ADGRL3: variants seen among roughly 807,000 people sequenced by gnomAD.
ADGRL3 encodes the protein adhesion G protein-coupled receptor L3.
In ADGRL3, 62 loss-of-function variants were observed where a neutral mutation model predicts 153.5. The observed-to-expected ratio is 0.40, with a 90% CI of 0.33 to 0.50. The LOEUF is 0.50. ADGRL3 is among the 20% of genes least tolerant of loss of function. The pLI, the probability that ADGRL3 is intolerant of heterozygous loss-of-function variation, is 0.47. For missense variants in ADGRL3, 1,641 were observed against 1,859.4 expected, an observed-to-expected ratio of 0.88 and a Z score of 2.16; for synonymous variants, 710 against 672.5, an observed-to-expected ratio of 1.06 and a Z score of -0.86.
chr4:61,850,929 A>G lies in ADGRL3; in HGVS notation c.1480+37040A>G, dbSNP rs543696663. Among the ~76,000 whole-genome samples the G allele has an allele frequency of 4.6e-5, 7 of 152,286 alleles. No homozygotes were observed. In the East Asian group the frequency reaches 1.4e-3, roughly 29 times the overall value. ...TACTGCTGTTGAAAATTCAGTTCCC[A>G]AATGCAATCATCTTCCCCAATGGCA... On this transcript the variant is annotated intron_variant, in intron 9 of 26. Transcript: ENST00000683033.
chr4:62,037,244 C>T, intron 23 of ADGRL3, among the ~76,000 whole-genome samples: 1 of 152,048 alleles, frequency 6.6e-6, no homozygotes, highest in East Asian at 1.9e-4. Flanking sequence ...TGCTTCCTCA[C>T]TTTCTCTGAT....
rs528319767 is a variant in ADGRL3 at position 61,498,505 on chromosome 4, G to A, written c.55+1157G>A. 1.2e-4 allele frequency among the ~76,000 whole-genome samples: 18 copies of A among 152,018 alleles called. No individual in the cohort carries two copies. The East Asian group carries it at 2.3e-3, about 20-fold the overall frequency. ...GCAAAGCTTACAGTGACCCAAGATC[G>A]TGCCACTGCATTCCAGCCTGGGTGA... is the stretch of plus-strand genomic sequence containing the variant. On this transcript the variant is annotated intron_variant, in intron 3 of 26. Coordinates refer to ENST00000683033, the MANE Select transcript of ADGRL3 (RefSeq NM_001387552.1).
chr4:61,556,200 C>A (rs572212256), intron 4 of ADGRL3, among the ~76,000 whole-genome samples: 4 of 151,978 alleles, frequency 2.6e-5, no homozygotes, highest in Non-Finnish European at 5.9e-5. Context: ...TGGAGAAAAA[C>A]AAGGTGGGGA....
At chr4:61,922,978 AG>A (rs1287928010) in intron 13 of ADGRL3, among the ~76,000 whole-genome samples, 1 of 152,224 alleles carries the variant, frequency 6.6e-6, no homozygotes, top group Non-Finnish European at 1.5e-5. Context: ...CGTGCGGATC[AG>A]GGAAGACTTT....
At chr4:61,599,598 G>A (rs1477161974) in intron 5 of ADGRL3, among the ~76,000 whole-genome samples, 1 of 152,160 alleles carries the variant, frequency 6.6e-6, no homozygotes, top group East Asian at 1.9e-4. Context: ...CTCCCAAAGT[G>A]CTGAGATTAC....
intron 8 of ADGRL3, among the ~76,000 whole-genome samples, chr4:61,803,817 C>T (rs1033684651): frequency 6.6e-6 from 1 of 152,118 alleles, no homozygotes; most frequent in Non-Finnish European, 1.5e-5. Flanking sequence ...AATATTTTCA[C>T]TTCTATGACA....
rs555444913 is a variant in ADGRL3 at position 61,767,697 on chromosome 4, G to T, written c.1399+34143G>T. Reference sequence around the variant, plus strand: ...ACACAGATGGGACGTGGCTTAGGAGGAATCCTGGGCTGCGGGTGTTCCTTG... The same window carrying T: ...ACACAGATGGGACGTGGCTTAGGAGTAATCCTGGGCTGCGGGTGTTCCTTG... On this transcript the variant is annotated intron_variant, in intron 8 of 26. Coordinates refer to ENST00000683033, the MANE Select transcript of ADGRL3 (RefSeq NM_001387552.1). 3.9e-5 allele frequency among the ~76,000 whole-genome samples: 6 copies of T among 152,248 alleles called. No individual in the cohort carries two copies. The East Asian group carries it at 9.7e-4, about 25-fold the overall frequency.
chr4:61,681,417 ATTAC>A (rs2095332664), intron 6 of ADGRL3, among the ~76,000 whole-genome samples: 1 of 152,018 alleles, frequency 6.6e-6, no homozygotes, highest in Non-Finnish European at 1.5e-5. Context: ...TAAAGCATAT[ATTAC>A]TTATTCTAGC....
intron 2 of ADGRL3, among the ~76,000 whole-genome samples, chr4:61,407,372 T>G (rs2097016295): frequency 6.6e-6 from 1 of 152,082 alleles, no homozygotes; most frequent in Non-Finnish European, 1.5e-5. Context: ...AATGAAAAAA[T>G]AGTCTCTGCC....
chr4:61,631,693 A>G (rs549260651), intron 5 of ADGRL3, among the ~76,000 whole-genome samples: 5 of 152,242 alleles, frequency 3.3e-5, no homozygotes, highest in Admixed American at 3.3e-4. Flanking sequence ...TACACAGATG[A>G]AGAAGAAAAT....
intron 6 of ADGRL3, among the ~76,000 whole-genome samples, chr4:61,696,657 C>CT (rs1004870625): frequency 2.4e-4 from 32 of 134,668 alleles, no homozygotes; most frequent in African/African-American, 7.4e-4. Flanking sequence ...CCCTAAGTTC[C>CT]TTTTTTTTTA....
chr4:61,431,598 C>T (rs2097356467), intron 2 of ADGRL3, among the ~76,000 whole-genome samples: 1 of 152,044 alleles, frequency 6.6e-6, no homozygotes. Context: ...AACTAAGTAT[C>T]AACAAAATGA....
intron 1 of ADGRL3, among the ~76,000 whole-genome samples, chr4:61,205,179 A>G (rs1736540115): frequency 1.3e-5 from 2 of 152,210 alleles, no homozygotes; most frequent in Non-Finnish European, 2.9e-5. Flanking sequence ...GTCAAATAAT[A>G]TGATGCAAAA....
intron 8 of ADGRL3, chr4:61,775,814 C>A: frequency 1.5e-6 from 1 of 655,180 alleles, no homozygotes; most frequent in South Asian, 2.0e-5. Flanking sequence ...GTATTAACGT[C>A]CATTACGCTT....
chr4:61,565,857 ATAGATTAGCAATGCTAC>A (rs2098814264), intron 4 of ADGRL3, among the ~76,000 whole-genome samples: 1 of 152,180 alleles, frequency 6.6e-6, no homozygotes, highest in African/African-American at 2.4e-5. Context: ...CATCTATTAT[ATAGATTAGCAATGCTAC>A]TACTAAAATG....
intron 1 of ADGRL3, among the ~76,000 whole-genome samples, chr4:61,349,829 T>A (rs2096003452): frequency 6.6e-6 from 1 of 152,140 alleles, no homozygotes; most frequent in Non-Finnish European, 1.5e-5. Flanking sequence ...ACCTCGCCCA[T>A]AGAAAATATT....
chr4:61,733,663 A>G (rs2096470731), intron 8 of ADGRL3, 109 bp downstream of exon 8: 2 of 808,348 alleles, frequency 2.5e-6, no homozygotes, highest in Non-Finnish European at 3.8e-6. Context: ...TGGCCTGTGT[A>G]CCTGAAAATT....
intron 1 of ADGRL3, among the ~76,000 whole-genome samples, chr4:61,358,729 C>T (rs185022591): frequency 2.6e-5 from 4 of 151,920 alleles, no homozygotes; most frequent in Non-Finnish European, 5.9e-5. Context: ...AATGATTTCT[C>T]ATGATCCTCT....
At chr4:61,701,729 G>A (rs1378856231) in intron 6 of ADGRL3, among the ~76,000 whole-genome samples, 8 of 151,906 alleles carry the variant, frequency 5.3e-5, no homozygotes, top group South Asian at 2.1e-4. Flanking sequence ...GAGCCGCTGC[G>A]CAGAACCGAA....
Sources: allele counts gnomAD v4.1 joint callset (sites outside exome capture counted in the v4.1 genomes callset), GRCh38; gene constraint gnomAD v4.1.1; transcripts MANE v1.5; gene names NCBI Gene and HGNC (gene_info 2026-07-23, HGNC 2026-07-21).